TMEM198: variants seen among roughly 807,000 people sequenced by gnomAD.
TMEM198 encodes the protein transmembrane protein 198.
A neutral mutation model predicts 31.5 loss-of-function variants in TMEM198; 21 were observed. That is an observed-to-expected ratio of 0.67 (90% CI 0.47 to 0.96). TMEM198 has a LOEUF of 0.96. Among genes scored for constraint, TMEM198 ranks in the 40% least tolerant of loss-of-function variants. The pLI is 0.00. For missense variants in TMEM198, 447 were observed against 499.4 expected, an observed-to-expected ratio of 0.89 and a Z score of 1.00; for synonymous variants, 211 against 223.3, an observed-to-expected ratio of 0.95 and a Z score of 0.49.
intron 2 of TMEM198, among the ~76,000 whole-genome samples, chr2:219,546,350 T>C (rs1043270763): frequency 2.0e-5 from 3 of 152,170 alleles, no homozygotes; most frequent in African/African-American, 7.2e-5. Context: ...CCACAAACAC[T>C]GTTTCCTTCT....
In TMEM198 at chr2:219,549,714, C is replaced by T. The variant is rs375826302; in HGVS notation, c.946-3C>T. Reference sequence around the variant, plus strand: ...ACTCACACCTATGTTTGCTCCCCCACAGAGCTATATCCAGAGCTTCCGAGA... The same window carrying T: ...ACTCACACCTATGTTTGCTCCCCCATAGAGCTATATCCAGAGCTTCCGAGA... On this transcript the variant is annotated splice_region_variant and splice_polypyrimidine_tract_variant and intron_variant, in intron 4 of 4. Transcript: ENST00000373883. 1.2e-6 allele frequency: 2 copies of T among 1,613,620 alleles called. No homozygotes were observed. The highest frequency in any genetic ancestry group is 8.5e-7 in the Non-Finnish European group (1 of 1,179,774).
At chr2:219,545,865 G>A (rs1559126310) in intron 2 of TMEM198, among the ~76,000 whole-genome samples, 1 of 152,034 alleles carries the variant, frequency 6.6e-6, no homozygotes, top group East Asian at 1.9e-4. Context: ...GAGCCAGATG[G>A]TCCCTCCCAT....
Position 219,550,063 on chromosome 2 carries a change from C to CGGGGTGTGAACCCCATT in TMEM198, c.*218_*234dup. 1.6e-6 allele frequency: 1 copy of CGGGGTGTGAACCCCATT among 634,174 alleles called. No individual in the cohort carries two copies. Among genetic ancestry groups the CGGGGTGTGAACCCCATT allele is most frequent in the Non-Finnish European group, 2.6e-6 (1 of 378,830 alleles). 39.3% of individuals were successfully genotyped at this position (634,174 alleles called of 1,614,324 possible). ...GCTCCCAAGAGGCTCCTGAGGAACT[C>CGGGGTGTGAACCCCATT]GGGGTGTGAACCCCATTGGGGTGTG... On this transcript the variant is annotated 3_prime_UTR_variant, in exon 5 of 5. Transcript: ENST00000373883.
rs749122562 is a variant in TMEM198 at position 219,549,232 on chromosome 2, A to G, written c.823A>G (p.Lys275Glu). ...QEDRKEKRRK[K>E]RPPRAPLRGP... Reference sequence around the variant, plus strand: ...AGATCGCAAGGAGAAAAGGCGGAAAAAGAGACCTCCTCGGGCTCCCCTCAG... The same window carrying G: ...AGATCGCAAGGAGAAAAGGCGGAAAGAGAGACCTCCTCGGGCTCCCCTCAG... The change falls in exon 4 of 5, where the codon AAG (lysine) becomes GAG (glutamate). Residue 275 changes from lysine to glutamate, a missense_variant. Transcript: ENST00000373883. 4 of 1,613,992 alleles carry G rather than the reference A, an allele frequency of 2.5e-6. No homozygotes were observed. The highest frequency in any genetic ancestry group is 2.2e-5 in the South Asian group (2 of 91,086).
chr2:219,546,969 G>A (rs1376192596), intron 2 of TMEM198, among the ~76,000 whole-genome samples: 1 of 151,940 alleles, frequency 6.6e-6, no homozygotes, highest in South Asian at 2.1e-4. Flanking sequence ...TAGTAGAGAC[G>A]GGGTTTCACC....
chr2:219,545,518 G>C (rs1449710317), intron 2 of TMEM198, among the ~76,000 whole-genome samples: 2 of 152,224 alleles, frequency 1.3e-5, no homozygotes, highest in African/African-American at 4.8e-5. Flanking sequence ...CTAAAGTCCA[G>C]CTCATGCTCT....
At chr2:219,547,461 T>G in intron 2 of TMEM198, 45 bp from the exon 3 acceptor site, 1 of 1,388,554 alleles carries the variant, frequency 7.2e-7, no homozygotes, top group Non-Finnish European at 9.4e-7. Flanking sequence ...CCCTCCAGCC[T>G]GGTGCCCTCA....
rs1229675385 is a variant in TMEM198, at chr2:219,547,754, C to T, written c.415C>T (p.Pro139Ser). 3 of 1,594,824 alleles carry T rather than the reference C, an allele frequency of 1.9e-6. No homozygotes were observed. The highest frequency in any genetic ancestry group is 3.3e-5 in the Admixed American group (2 of 59,770). ...AGCTGCTGCCCTGCTGGGCTCCGCA[C>T]CCTACTACCAGCCAGGCTCCGTGTG... is the stretch of plus-strand genomic sequence containing the variant. ...LAAAALLGSA[P>S]YYQPGSVWGP... The change falls in exon 3 of 5, where the codon CCC becomes TCC. Residue 139 changes from proline to serine, a missense_variant. By Grantham distance (74) the Pro-to-Ser change is moderately conservative. Coordinates refer to ENST00000373883, the MANE Select transcript of TMEM198 (RefSeq NM_001005209.3).
intron 2 of TMEM198, among the ~76,000 whole-genome samples, chr2:219,545,823 TC>T (rs1299656976): frequency 2.0e-5 from 3 of 151,754 alleles, no homozygotes; most frequent in Non-Finnish European, 4.4e-5. Flanking sequence ...TTCTGCAGCC[TC>T]CCCCTGCAAT....
Position 219,549,352 on chromosome 2 carries a change from C to T in TMEM198, c.943C>T (p.Pro315Ser), listed in dbSNP as rs1475128658. 2 of 1,611,250 alleles carry T rather than the reference C, an allele frequency of 1.2e-6. No homozygotes were observed. The highest frequency in any genetic ancestry group is 1.7e-6 in the Non-Finnish European group (2 of 1,178,476). Residue 315 changes from proline to serine, a missense_variant and splice_region_variant, in exon 4 of 5, where the codon CCG becomes TCG. Coordinates refer to ENST00000373883, the MANE Select transcript of TMEM198 (RefSeq NM_001005209.3). ...ACGCTTCAATGGAGACGTCCTCTCC[C>T]CGGTGAGCTCCCTGAGCCCATCCAG... ...IKRFNGDVLS[P>S]SYIQSFRDRQ...
intron 2 of TMEM198, 124 bp downstream of exon 2, chr2:219,545,017 C>A: frequency 1.6e-6 from 2 of 1,239,356 alleles, no homozygotes; most frequent in Non-Finnish European, 2.2e-6. Flanking sequence ...TCTTTCATCC[C>A]ACACATTTAT....
chr2:219,549,857 A>G lies in TMEM198; in HGVS notation c.*3A>G, dbSNP rs1695513333. 3 of 1,613,546 alleles carry G rather than the reference A, an allele frequency of 1.9e-6. No homozygotes were observed. Among genetic ancestry groups the G allele is most frequent in the East Asian group, 2.2e-5 (1 of 44,842 alleles). On this transcript the variant is annotated 3_prime_UTR_variant, in exon 5 of 5. Coordinates refer to ENST00000373883, the MANE Select transcript of TMEM198 (RefSeq NM_001005209.3). Reference sequence around the variant, plus strand: ...CAGGCCCCCCAGTGCGGGTATAGCCATATCTGTCTGTCTAGACTCTGCAGT... The same window carrying G: ...CAGGCCCCCCAGTGCGGGTATAGCCGTATCTGTCTGTCTAGACTCTGCAGT...
intron 3 of TMEM198, among the ~76,000 whole-genome samples, chr2:219,548,755 A>G (rs573596085): frequency 6.6e-6 from 1 of 152,256 alleles, no homozygotes; most frequent in East Asian, 1.9e-4. Flanking sequence ...GGGAGGATAG[A>G]ATCTAATTTA....
rs751992966 is a variant in TMEM198, at chr2:219,547,589, C to T, written c.250C>T (p.Arg84Trp). 2.0e-6 allele frequency: 3 copies of T among 1,466,618 alleles called. No individual in the cohort carries two copies. Among genetic ancestry groups the T allele is most frequent in the Admixed American group, 2.4e-5 (1 of 41,674 alleles). 90.9% of individuals were successfully genotyped at this position (1,466,618 alleles called of 1,614,324 possible). A position where few individuals can be genotyped will look rare whatever the true frequency, so the allele number is the denominator to read the frequency against. ...CATCTTCCTCCTCTGCTACCGAGAG[C>T]GGGTGCTAGAGACACAGCTGAGTGC... is the stretch of plus-strand genomic sequence containing the variant. ...VVIFLLCYRE[R>W]VLETQLSAGA... is the part of the protein sequence containing the mutation. The change falls in exon 3 of 5, where the codon CGG becomes TGG. Residue 84 changes from arginine to tryptophan, a missense_variant. By Grantham distance (101) the Arg-to-Trp change is moderately radical (BLOSUM62 -3). Transcript: ENST00000373883.
At chr2:219,547,292 C>T (rs1041801324) in intron 2 of TMEM198, 4 of 446,454 alleles carry the variant, frequency 9.0e-6, no homozygotes, top group African/African-American at 6.0e-5. Context: ...TGTTTGCCTT[C>T]CCATTGACCA....
rs776360352 is a variant in TMEM198, at chr2:219,549,169, C to T, written c.760C>T (p.Arg254Cys). ...CACCACAGTGGTCATCAGCCGGCAG[C>T]GCCGACGCGTGCAACTGATGCGGAT... ...SHTEVVISRQ[R>C]RRVQLMRIRQ... The change falls in exon 4 of 5, where the codon CGC (arginine) becomes TGC (cysteine). Residue 254 changes from arginine to cysteine, a missense_variant. Arg to Cys is a radical substitution (Grantham distance 180, BLOSUM62 -3). Transcript: ENST00000373883. 3.7e-6 allele frequency: 6 copies of T among 1,613,912 alleles called. No homozygotes were observed. Among genetic ancestry groups the T allele is most frequent in the East Asian group, 4.5e-5 (2 of 44,880 alleles).
intron 1 of TMEM198, 65 bp from the exon 2 acceptor site, chr2:219,544,624 C>A: frequency 1.4e-6 from 2 of 1,392,960 alleles, no homozygotes; most frequent in Non-Finnish European, 9.9e-7. Context: ...CTCCCAATCC[C>A]TCTCCCACCC....
chr2:219,545,702 G>T (rs943608530), intron 2 of TMEM198, among the ~76,000 whole-genome samples: 2 of 152,174 alleles, frequency 1.3e-5, no homozygotes, highest in African/African-American at 4.8e-5. Flanking sequence ...TCTATGGGCT[G>T]GGGGCCCAAA....
intron 3 of TMEM198, 137 bp from the exon 4 acceptor site, chr2:219,549,015 G>A (rs1049964412): frequency 4.5e-6 from 4 of 880,006 alleles, no homozygotes; most frequent in African/African-American, 3.4e-5. Context: ...AGGAAAGGAA[G>A]TGACAGGGTG....
Sources: gnomAD v4.1 joint callset for allele counts (sites outside exome capture counted in the v4.1 genomes callset) on GRCh38, gnomAD v4.1.1 for gene constraint, MANE v1.5 for transcripts, NCBI Gene and HGNC (gene_info 2026-07-23, HGNC 2026-07-21) for gene names.